The following PDE4B variants were observed in gnomAD, a reference collection of about 807,000 sequenced individuals.
PDE4B encodes the protein 3',5'-cyclic-AMP phosphodiesterase 4B.
A neutral mutation model predicts 82.2 loss-of-function variants in PDE4B; 20 were observed. The observed-to-expected ratio is 0.24, with a 90% confidence interval of 0.17 to 0.35. The LOEUF is 0.35. Among genes scored for constraint, PDE4B ranks in the 10% least tolerant of loss-of-function variants. The pLI is 1.00. For synonymous variants in PDE4B, 320 were observed against 318.9 expected (o/e 1.00, Z -0.04); for missense variants, 655 against 907.2 (o/e 0.72, Z 3.57).
chr1:66,363,462 T>C lies in PDE4B; in HGVS notation c.1175T>C (p.Met392Thr). The C allele has an allele frequency of 1.2e-6, 2 of 1,613,556 alleles. No homozygotes were observed. Among genetic ancestry groups the C allele is most frequent in the South Asian group, 1.1e-5 (1 of 91,064 alleles). The change falls in exon 12 of 17, where the codon ATG (methionine) becomes ACG (threonine). Residue 392 changes from methionine to threonine, a missense_variant. This residue lies in a region of PDE4B where 283 missense variants were observed against 516.4 expected (regional missense o/e 0.55). Coordinates refer to ENST00000341517, the MANE Select transcript of PDE4B (RefSeq NM_002600.4). Reference sequence around the variant, plus strand: ...TCATCTGACACATTTATAACCTACATGATGACTTTAGAAGACCATTACCAT... The same window carrying C: ...TCATCTGACACATTTATAACCTACACGATGACTTTAGAAGACCATTACCAT... ...RISSDTFITYMMTLEDHYHSD... is the reference protein window; with the variant it reads ...RISSDTFITYTMTLEDHYHSD...
At chr1:65,903,371 C>T (rs1646992428) in intron 1 of PDE4B, among the ~76,000 whole-genome samples, 1 of 151,778 alleles carries the variant, frequency 6.6e-6, no homozygotes, top group African/African-American at 2.4e-5. Context: ...TAAATATAGC[C>T]TGGGCAATAT....
At chr1:66,119,862 A>T (rs1347124239) in intron 3 of PDE4B, among the ~76,000 whole-genome samples, 1 of 152,138 alleles carries the variant, frequency 6.6e-6, no homozygotes, top group African/African-American at 2.4e-5. Flanking sequence ...CTTGGGACAG[A>T]TATACTCAGA....
chr1:66,309,367 G>A (rs1422832178), intron 7 of PDE4B, among the ~76,000 whole-genome samples: 1 of 152,204 alleles, frequency 6.6e-6, no homozygotes, highest in African/African-American at 2.4e-5. Flanking sequence ...AACCTCCCTT[G>A]AGACTCAGTT....
chr1:66,008,736 C>T (rs1056333451), intron 3 of PDE4B, among the ~76,000 whole-genome samples: 1 of 152,054 alleles, frequency 6.6e-6, no homozygotes, highest in African/African-American at 2.4e-5. Context: ...AAGTGTTCTT[C>T]CTGAGATTAT....
intron 3 of PDE4B, among the ~76,000 whole-genome samples, chr1:66,020,579 C>G (rs1390554344): frequency 6.6e-6 from 1 of 151,918 alleles, no homozygotes; most frequent in Non-Finnish European, 1.5e-5. Flanking sequence ...GGTTTTCTGT[C>G]CTTGTGATAG....
Position 65,886,820 on chromosome 1 carries a change from A to C in PDE4B, c.-70-26425A>C, listed in dbSNP as rs147438813. 1.7e-3 allele frequency among the ~76,000 whole-genome samples: 266 copies of C among 152,286 alleles called. 2 individuals are homozygous for C. The highest frequency in any genetic ancestry group is 0.014 in the Middle Eastern group (4 of 294). On this transcript the variant is annotated intron_variant, in intron 1 of 16. Coordinates refer to ENST00000341517, the MANE Select transcript of PDE4B (RefSeq NM_002600.4). ...ATTCCATATCTTTGCTATTGTGAAC[A>C]ATGCAGCGATAAACATGTAAGTGCA... is the stretch of plus-strand genomic sequence containing the variant.
chr1:65,831,000 A>G (rs1196118149), intron 1 of PDE4B, among the ~76,000 whole-genome samples: 8 of 152,128 alleles, frequency 5.3e-5, no homozygotes, highest in Non-Finnish European at 1.0e-4. Context: ...AAAATGCAAC[A>G]TATCAAAATT....
intron 3 of PDE4B, among the ~76,000 whole-genome samples, chr1:66,009,298 C>T (rs1057283347): frequency 6.6e-6 from 1 of 152,188 alleles, no homozygotes; most frequent in Non-Finnish European, 1.5e-5. Context: ...TTCTCATCAC[C>T]AGCTGTCGCT....
chr1:65,978,858 T>C (rs1405484434), intron 3 of PDE4B, among the ~76,000 whole-genome samples: 1 of 152,210 alleles, frequency 6.6e-6, no homozygotes, highest in Admixed American at 6.5e-5. Context: ...TGGCATCTCA[T>C]TCCTTTTTTA....
At chr1:66,027,544 C>T (rs937497837) in intron 3 of PDE4B, among the ~76,000 whole-genome samples, 5 of 152,168 alleles carry the variant, frequency 3.3e-5, no homozygotes, top group African/African-American at 9.7e-5. Context: ...AGTCTTAACT[C>T]GTGACAGCAT....
intron 3 of PDE4B, chr1:65,992,651 AGG>A: frequency 9.9e-7 from 1 of 1,014,974 alleles, no homozygotes; most frequent in Non-Finnish European, 1.3e-6. Context: ...ATCCACAAGG[AGG>A]CTACTGACAT....
intron 3 of PDE4B, among the ~76,000 whole-genome samples, chr1:66,220,658 G>A (rs1271312177): frequency 2.0e-5 from 3 of 151,952 alleles, no homozygotes; most frequent in Non-Finnish European, 4.4e-5. Context: ...ATTCTTAAAC[G>A]TTTTTCCCTC....
intron 3 of PDE4B, among the ~76,000 whole-genome samples, chr1:66,185,846 C>G (rs1439837130): frequency 6.6e-6 from 1 of 151,984 alleles, no homozygotes; most frequent in Non-Finnish European, 1.5e-5. Flanking sequence ...TTAATTAGAT[C>G]CCATTTGTCA....
At chr1:66,275,582 T>TAGACAAGGAAGG (rs2101762375) in intron 7 of PDE4B, among the ~76,000 whole-genome samples, 1 of 152,288 alleles carries the variant, frequency 6.6e-6, no homozygotes, top group Admixed American at 6.5e-5. Context: ...GGAAGTTTGC[T>TAGACAAGGAAGG]AAGAGACAAG....
chr1:65,931,939 A>G (rs1647858606), intron 3 of PDE4B, among the ~76,000 whole-genome samples: 1 of 152,234 alleles, frequency 6.6e-6, no homozygotes, highest in South Asian at 2.1e-4. Flanking sequence ...GCTGGTAAGA[A>G]CAAAGACAGA....
intron 3 of PDE4B, among the ~76,000 whole-genome samples, chr1:66,015,110 T>C (rs1652694781): frequency 6.6e-6 from 1 of 152,198 alleles, no homozygotes; most frequent in East Asian, 1.9e-4. Context: ...TGAGCTTAAC[T>C]TTTGCCTTTA....
intron 3 of PDE4B, among the ~76,000 whole-genome samples, chr1:66,245,436 C>T (rs1185029889): frequency 6.6e-6 from 1 of 152,186 alleles, no homozygotes; most frequent in East Asian, 1.9e-4. Flanking sequence ...GAGCCCATGA[C>T]CTACTGTTTC....
At chr1:65,868,666 C>T (rs764713518) in intron 1 of PDE4B, among the ~76,000 whole-genome samples, 19 of 152,216 alleles carry the variant, frequency 1.2e-4, no homozygotes, top group Non-Finnish European at 2.6e-4. Context: ...CCCCAACCCC[C>T]AGGCTGCAGA....
chr1:66,354,606 A>G (rs550131173), intron 8 of PDE4B: 9 of 1,343,298 alleles, frequency 6.7e-6, no homozygotes, highest in Non-Finnish European at 8.6e-6. Flanking sequence ...TCCTGATTTC[A>G]TTACTCTCTT....
Sources: gnomAD v4.1 joint callset for allele counts (sites outside exome capture counted in the v4.1 genomes callset) on GRCh38, gnomAD v4.1.1 for gene constraint, gnomAD v4.1.1 regional missense constraint, MANE v1.5 for transcripts, NCBI Gene and HGNC (gene_info 2026-07-23, HGNC 2026-07-21) for gene names.